The following SLC25A20 variants were observed in gnomAD, a reference collection of about 807,000 sequenced individuals.
SLC25A20 encodes the protein mitochondrial carnitine/acylcarnitine carrier protein.
Under a neutral mutation model 39.7 loss-of-function variants are expected in SLC25A20, and 29 were observed. The ratio of observed to expected loss-of-function variants is 0.73; its 90% CI spans 0.54 to 1.00. The LOEUF (loss-of-function observed/expected upper bound fraction) is 1.00. Ranked by LOEUF, SLC25A20 falls within the 50% of genes least tolerant of loss-of-function variation. SLC25A20 has a pLI of 0.00. For missense variants in SLC25A20, 333 were observed against 379.9 expected (o/e 0.88, Z 1.03); for synonymous variants, 103 against 142.2 (o/e 0.72, Z 1.96).
At chr3:48,891,077 T>C (rs2083872534) in intron 2 of SLC25A20, among the ~76,000 whole-genome samples, 1 of 152,286 alleles carries the variant, frequency 6.6e-6, no homozygotes, top group African/African-American at 2.4e-5. Context: ...GTCTTGTGTC[T>C]TTATTTCTTA....
At chr3:48,883,214 T>A (rs2083807081) in intron 3 of SLC25A20, among the ~76,000 whole-genome samples, 1 of 147,302 alleles carries the variant, frequency 6.8e-6, no homozygotes, top group South Asian at 2.2e-4. Context: ...AAAAAAAATT[T>A]AAAATTAAAA....
intron 1 of SLC25A20, among the ~76,000 whole-genome samples, chr3:48,894,518 C>A (rs962528125): frequency 6.6e-6 from 1 of 151,802 alleles, no homozygotes; most frequent in Non-Finnish European, 1.5e-5. Context: ...GGTGATCCAC[C>A]CGCCTCGGCC....
rs1475948745 is a variant in SLC25A20, at chr3:48,859,148, A to G, written c.662T>C (p.Ile221Thr). 6.2e-7 allele frequency: 1 copy of G among 1,613,836 alleles called. No individual in the cohort carries two copies. Among genetic ancestry groups the G allele is most frequent in the African/African-American group, 1.3e-5 (1 of 74,852 alleles). ...GGGGATTGCCACAGCCCAGTTGAAGATCCCTGCAATGCCCCCAGCCACCAA... is the reference window on the plus strand; with the variant it reads ...GGGGATTGCCACAGCCCAGTTGAAGGTCCCTGCAATGCCCCCAGCCACCAA... ...RILVAGGIAG[I>T]FNWAVAIPPD... is the part of the protein sequence containing the mutation. The change falls in exon 7 of 9, where the codon ATC (isoleucine) becomes ACC (threonine). Residue 221 changes from isoleucine (I) to threonine (T), a missense_variant. Coordinates refer to ENST00000319017, the MANE Select transcript of SLC25A20 (RefSeq NM_000387.6).
chr3:48,890,117 T>C (rs2083862246), intron 2 of SLC25A20, among the ~76,000 whole-genome samples: 1 of 152,194 alleles, frequency 6.6e-6, no homozygotes, highest in Non-Finnish European at 1.5e-5. Flanking sequence ...CTGCCCAGTT[T>C]TCCAGAGGCC....
At chr3:48,891,748 A>G (rs1170178563) in intron 2 of SLC25A20, among the ~76,000 whole-genome samples, 1 of 152,106 alleles carries the variant, frequency 6.6e-6, no homozygotes, top group African/African-American at 2.4e-5. Context: ...CATCTTCCAA[A>G]AGAGAGAACC....
intron 4 of SLC25A20, among the ~76,000 whole-genome samples, chr3:48,878,265 A>C (rs1575986907): frequency 2.1e-5 from 1 of 48,008 alleles, no homozygotes; most frequent in East Asian, 5.1e-3. Flanking sequence ...ATCTCCACAA[A>C]AAAAAAAAAT....
chr3:48,865,868 C>T (rs553804162), intron 4 of SLC25A20, among the ~76,000 whole-genome samples: 7 of 151,722 alleles, frequency 4.6e-5, no homozygotes, highest in African/African-American at 1.4e-4. Context: ...TGGTGGCTCA[C>T]GCCTGTAATC....
chr3:48,861,996 C>T (rs1483919275), intron 5 of SLC25A20, among the ~76,000 whole-genome samples: 1 of 151,944 alleles, frequency 6.6e-6, no homozygotes, highest in African/African-American at 2.4e-5. Flanking sequence ...CCATTGCACT[C>T]CAGCCTGGGC....
At chr3:48,879,628 CA>C (rs936611524) in intron 3 of SLC25A20, among the ~76,000 whole-genome samples, 180 bp from the exon 4 acceptor site, 1 of 152,126 alleles carries the variant, frequency 6.6e-6, no homozygotes, top group African/African-American at 2.4e-5. Flanking sequence ...ATTTTAATGT[CA>C]AATTTCCCAG....
Position 48,874,892 on chromosome 3 carries a change from C to A in SLC25A20, c.417+4466G>T, listed in dbSNP as rs190877453. ...TGAGACCCCCCCACCACCACCACAG[C>A]CCCCATCTCTACTAAAAATACAAAA... On this transcript the variant is annotated intron_variant, in intron 4 of 8. Transcript: ENST00000319017. Among the ~76,000 whole-genome samples the A allele has an allele frequency of 7.1e-3, 1,063 of 150,502 alleles. 8 individuals carry two copies. Among genetic ancestry groups the A allele is most frequent in the Middle Eastern group, 0.021 (6 of 290 alleles).
At chr3:48,890,642 C>A (rs975144092) in intron 2 of SLC25A20, among the ~76,000 whole-genome samples, 1 of 144,278 alleles carries the variant, frequency 6.9e-6, no homozygotes, top group East Asian at 2.1e-4. Flanking sequence ...CCTTACCCTG[C>A]CCCCTTGTCT....
chr3:48,883,925 A>T, intron 3 of SLC25A20, 72 bp downstream of exon 3: 1 of 1,588,488 alleles, frequency 6.3e-7, no homozygotes, highest in Non-Finnish European at 8.6e-7. Context: ...CGCCCTGCCC[A>T]AGTTTCTTTA....
At chr3:48,877,110 GAGGCCAGGCACGGTGGCTCAC>G (rs1174151095) in intron 4 of SLC25A20, among the ~76,000 whole-genome samples, 1 of 151,230 alleles carries the variant, frequency 6.6e-6, no homozygotes, top group Non-Finnish European at 1.5e-5. Context: ...AAATAGAAAA[GAGGCCAGGCACGGTGGCTCAC>G]AGGCCAGGCA....
chr3:48,884,960 C>T (rs2083819870), intron 2 of SLC25A20, among the ~76,000 whole-genome samples: 1 of 149,436 alleles, frequency 6.7e-6, no homozygotes, highest in Non-Finnish European at 1.5e-5. Context: ...GGTAAGATTA[C>T]AAGTGATTAA....
At chr3:48,867,307 G>A (rs1307535187) in intron 4 of SLC25A20, among the ~76,000 whole-genome samples, 6 of 151,510 alleles carry the variant, frequency 4.0e-5, no homozygotes, top group Admixed American at 2.0e-4. Flanking sequence ...GTGCAGTGGC[G>A]AGATCTCGGT....
intron 3 of SLC25A20, among the ~76,000 whole-genome samples, chr3:48,879,683 G>C (rs1177716347): frequency 2.0e-5 from 3 of 152,176 alleles, no homozygotes; most frequent in Non-Finnish European, 1.5e-5. Context: ...CTGGCCACAA[G>C]GCCCACCCCA....
At chr3:48,895,032 T>G (rs2083901792) in intron 1 of SLC25A20, among the ~76,000 whole-genome samples, 1 of 58,596 alleles carries the variant, frequency 1.7e-5, no homozygotes, top group Non-Finnish European at 3.0e-5. Flanking sequence ...TTTTTTGAGA[T>G]GTAGTTTCAC....
intron 3 of SLC25A20, among the ~76,000 whole-genome samples, chr3:48,881,032 C>T (rs1348072083): frequency 1.3e-5 from 2 of 152,188 alleles, no homozygotes; most frequent in Non-Finnish European, 2.9e-5. Context: ...AAGCCTCCAA[C>T]AACTGAGCCT....
intron 2 of SLC25A20, among the ~76,000 whole-genome samples, chr3:48,884,478 T>C (rs942042855): frequency 1.3e-5 from 2 of 151,948 alleles, no homozygotes; most frequent in African/African-American, 2.4e-5. Flanking sequence ...GCCTCCCAAG[T>C]AGCTGGGACT....
Sources: allele counts gnomAD v4.1 joint callset (sites outside exome capture counted in the v4.1 genomes callset), GRCh38; gene constraint gnomAD v4.1.1; transcripts MANE v1.5; gene names NCBI Gene and HGNC (gene_info 2026-07-23, HGNC 2026-07-21).